Variants in FBXW2 observed in about 807,000 individuals in gnomAD.
The protein encoded by FBXW2 is F-box and WD repeat domain containing 2.
In FBXW2, 12 loss-of-function variants were observed where a neutral mutation model predicts 46.0. The observed-to-expected ratio is 0.26, with a 90% CI of 0.17 to 0.42. The LOEUF (loss-of-function observed/expected upper bound fraction) is 0.42, where lower values mean the gene tolerates loss of function less well. Ranked by LOEUF, FBXW2 falls within the 10% of genes least tolerant of loss-of-function variation. The probability of loss-of-function intolerance (pLI) is 1.00; values close to 1 mark genes in which losing one functional copy is unlikely to be tolerated. For synonymous variants in FBXW2, 203 were observed against 209.6 expected (o/e 0.97, Z 0.27); for missense variants, 360 against 537.0 (o/e 0.67, Z 3.26).
At chr9:120,787,730 A>T in intron 3 of FBXW2, 39 bp downstream of exon 3, 1 of 1,568,148 alleles carries the variant, frequency 6.4e-7, no homozygotes, top group Non-Finnish European at 8.6e-7. Context: ...CCTATGAAAT[A>T]CAAAACAAAA....
intron 3 of FBXW2, among the ~76,000 whole-genome samples, chr9:120,786,562 C>T (rs1588049368): frequency 6.6e-6 from 1 of 152,196 alleles, no homozygotes; most frequent in Non-Finnish European, 1.5e-5. Flanking sequence ...CTAATATATG[C>T]ATTAATATGG....
chr9:120,786,018 C>CAAAAAA (rs3047150), intron 3 of FBXW2, among the ~76,000 whole-genome samples: 23 of 40,434 alleles, frequency 5.7e-4, no homozygotes, highest in South Asian at 1.5e-3. Flanking sequence ...GACTCCATCT[C>CAAAAAA]AAAAAAAAAA....
intron 2 of FBXW2, among the ~76,000 whole-genome samples, chr9:120,790,458 G>A (rs951464494): frequency 1.3e-5 from 2 of 152,108 alleles, no homozygotes; most frequent in South Asian, 2.1e-4. Flanking sequence ...CACTCCAGCC[G>A]GGGCGAGAGA....
rs1420589499 is a variant in FBXW2 at position 120,788,203 on chromosome 9, G to C, written c.56C>G (p.Ser19Cys). The C allele has an allele frequency of 6.2e-7, 1 of 1,614,144 alleles. No individual in the cohort carries two copies. ...WLDNISVTFL[S>C]LTDLQKNETL... ...TTCATTTTTCTGCAAGTCCGTCAGA[G>C]AAAGAAATGTAACAGAAATGTTATC... Residue 19 changes from serine to cysteine, a missense_variant, in exon 3 of 8, where the codon TCT becomes TGT. Coordinates refer to ENST00000608872, the MANE Select transcript of FBXW2 (RefSeq NM_012164.4).
intron 1 of FBXW2, 33 bp from the exon 2 acceptor site, chr9:120,793,290 G>T: frequency 2.2e-6 from 1 of 453,144 alleles, no homozygotes; most frequent in Non-Finnish European, 3.9e-6. Flanking sequence ...AAGGCGCGGC[G>T]GGTCAGCAGA....
chr9:120,791,519 C>A (rs2044840592), intron 2 of FBXW2, among the ~76,000 whole-genome samples: 1 of 152,154 alleles, frequency 6.6e-6, no homozygotes, highest in African/African-American at 2.4e-5. Flanking sequence ...ATAGCAGGGA[C>A]ATGCTTAGCA....
At position 120,764,801 on chromosome 9, in the gene FBXW2, C is replaced by T; in HGVS notation, c.1123G>A (p.Gly375Arg). 1 of 1,605,088 alleles carries T rather than the reference C, an allele frequency of 6.2e-7. No homozygotes were observed. Among genetic ancestry groups the T allele is most frequent in the Non-Finnish European group, 8.5e-7 (1 of 1,173,886 alleles). The change falls in exon 8 of 8, where the codon GGA becomes AGA. Residue 375 changes from glycine (G) to arginine (R), a missense_variant. Gly to Arg is a moderately radical substitution (Grantham distance 125, BLOSUM62 -2). Coordinates refer to ENST00000608872, the MANE Select transcript of FBXW2 (RefSeq NM_012164.4). ...EIANLALLGF[G>R]DIFALLFDNR... ...TCAAACAGCAGGGCAAAGATATCTC[C>T]AAAGCCAAGCAAGGCCAAGTTTGCT...
At chr9:120,786,748 T>C (rs2044731577) in intron 3 of FBXW2, among the ~76,000 whole-genome samples, 1 of 152,228 alleles carries the variant, frequency 6.6e-6, no homozygotes, top group Non-Finnish European at 1.5e-5. Flanking sequence ...CCTGGAGTTA[T>C]TCTAAATGCT....
At chr9:120,765,274 T>C (rs560368043) in intron 7 of FBXW2, among the ~76,000 whole-genome samples, 1 of 152,226 alleles carries the variant, frequency 6.6e-6, no homozygotes, top group East Asian at 1.9e-4. Flanking sequence ...TTTGTATTTT[T>C]AGTAGAGACG....
At chr9:120,792,760 G>A in intron 2 of FBXW2, 1 of 693,558 alleles carries the variant, frequency 1.4e-6, no homozygotes, top group Non-Finnish European at 2.1e-6. Context: ...AAACAAGACA[G>A]TGCAAGTAAA....
intron 4 of FBXW2, among the ~76,000 whole-genome samples, chr9:120,778,090 A>G: frequency 6.6e-6 from 1 of 152,108 alleles, no homozygotes. Flanking sequence ...AGAATGAGAG[A>G]GAGAGAGAGA....
At chr9:120,769,354 G>A (rs574037446) in intron 7 of FBXW2, among the ~76,000 whole-genome samples, 14 of 152,218 alleles carry the variant, frequency 9.2e-5, no homozygotes, top group South Asian at 2.1e-4. Context: ...ACTCCTACCC[G>A]CAAACAATCT....
At chr9:120,765,156 G>A (rs1348951906) in intron 7 of FBXW2, among the ~76,000 whole-genome samples, 6 of 151,240 alleles carry the variant, frequency 4.0e-5, no homozygotes, top group Non-Finnish European at 8.8e-5. Flanking sequence ...GTACAGGGGC[G>A]TGATCTCGGC....
At chr9:120,784,846 A>G in intron 3 of FBXW2, among the ~76,000 whole-genome samples, 1 of 149,484 alleles carries the variant, frequency 6.7e-6, no homozygotes, top group East Asian at 2.1e-4. Flanking sequence ...GCTTGAACCC[A>G]GGAGGAGGAG....
intron 3 of FBXW2, among the ~76,000 whole-genome samples, 165 bp from the exon 4 acceptor site, chr9:120,778,710 TAG>T (rs1212303652): frequency 6.6e-6 from 1 of 152,208 alleles, no homozygotes; most frequent in Non-Finnish European, 1.5e-5. Context: ...ACAACTTGCT[TAG>T]AGTCACCAAA....
At chr9:120,772,970 A>T (rs1241657866) in intron 5 of FBXW2, 130 bp from the exon 6 acceptor site, 1 of 651,886 alleles carries the variant, frequency 1.5e-6, no homozygotes, top group East Asian at 2.9e-5. Flanking sequence ...TCCATTACCA[A>T]ATTAACCTCT....
chr9:120,766,683 C>T (rs543524494), intron 7 of FBXW2, among the ~76,000 whole-genome samples: 1 of 152,226 alleles, frequency 6.6e-6, no homozygotes, highest in African/African-American at 2.4e-5. Context: ...GAGATGGTCT[C>T]GATCTCAACC....
chr9:120,786,890 ATT>A (rs1163949052), intron 3 of FBXW2, among the ~76,000 whole-genome samples: 1 of 152,224 alleles, frequency 6.6e-6, no homozygotes, highest in Non-Finnish European at 1.5e-5. Flanking sequence ...TAATAATTAT[ATT>A]GTTTCATAAA....
intron 7 of FBXW2, among the ~76,000 whole-genome samples, chr9:120,769,472 A>C (rs2044332369): frequency 6.6e-6 from 1 of 152,242 alleles, no homozygotes; most frequent in Non-Finnish European, 1.5e-5. Context: ...ATACATGAGA[A>C]AGCAGATGTG....
Sources: allele counts gnomAD v4.1 joint callset (sites outside exome capture counted in the v4.1 genomes callset), GRCh38; gene constraint gnomAD v4.1.1; transcripts MANE v1.5; gene names NCBI Gene and HGNC (gene_info 2026-07-23, HGNC 2026-07-21).